Variants in RALGPS1 observed in about 807,000 individuals in gnomAD.
RALGPS1 encodes ras-specific guanine nucleotide-releasing factor RalGPS1.
RALGPS1 carries 19 observed loss-of-function variants against 78.8 expected under a neutral mutation model. The ratio of observed to expected loss-of-function variants is 0.24; its 90% CI spans 0.17 to 0.35. The LOEUF (loss-of-function observed/expected upper bound fraction) is 0.35, where lower values mean the gene tolerates loss of function less well. Among genes scored for constraint, RALGPS1 ranks in the 10% least tolerant of loss-of-function variants. The probability of loss-of-function intolerance (pLI) is 1.00; values close to 1 mark genes in which losing one functional copy is unlikely to be tolerated. For synonymous variants in RALGPS1, 228 were observed against 256.3 expected (o/e 0.89, Z 1.06); for missense variants, 454 against 688.3 (o/e 0.66, Z 3.81).
intron 5 of RALGPS1, among the ~76,000 whole-genome samples, chr9:127,039,065 C>T (rs778086986): frequency 2.0e-5 from 3 of 151,942 alleles, no homozygotes; most frequent in Non-Finnish European, 1.5e-5. Context: ...TATTTGAGTC[C>T]GGAAGTTGGG....
At chr9:127,123,120 C>T (rs2137836595) in intron 8 of RALGPS1, among the ~76,000 whole-genome samples, 1 of 152,378 alleles carries the variant, frequency 6.6e-6, no homozygotes, top group East Asian at 1.9e-4. Flanking sequence ...GGCGGGGCAG[C>T]TCAGCCCAGA....
chr9:127,101,637 A>C (rs1454474978), intron 8 of RALGPS1, among the ~76,000 whole-genome samples: 1 of 152,230 alleles, frequency 6.6e-6, no homozygotes, highest in East Asian at 1.9e-4. Context: ...ATCCACATCC[A>C]GACCAAACCC....
intron 8 of RALGPS1, among the ~76,000 whole-genome samples, chr9:127,129,868 G>T (rs1053947511): frequency 5.9e-5 from 9 of 152,186 alleles, no homozygotes; most frequent in African/African-American, 1.7e-4. Context: ...TGGAGGGCAG[G>T]GATCTGTTTT....
At chr9:127,167,907 G>A (rs1033141713) in intron 9 of RALGPS1, among the ~76,000 whole-genome samples, 4 of 152,246 alleles carry the variant, frequency 2.6e-5, no homozygotes, top group Non-Finnish European at 5.9e-5. Context: ...GCAGAGAGCA[G>A]CTGACACCAG....
chr9:127,002,520 T>C (rs2043428605), intron 4 of RALGPS1, among the ~76,000 whole-genome samples: 1 of 149,710 alleles, frequency 6.7e-6, no homozygotes, highest in Non-Finnish European at 1.5e-5. Context: ...TATGTATACA[T>C]GTGCCATGCT....
intron 8 of RALGPS1, among the ~76,000 whole-genome samples, chr9:127,106,465 A>G (rs1210058085): frequency 6.6e-6 from 1 of 152,244 alleles, no homozygotes; most frequent in Non-Finnish European, 1.5e-5. Context: ...TGTGCTAAAC[A>G]TGTTTTTTGC....
At chr9:126,993,201 A>G (rs1227613126) in intron 4 of RALGPS1, among the ~76,000 whole-genome samples, 10 of 152,200 alleles carry the variant, frequency 6.6e-5, no homozygotes, top group Non-Finnish European at 1.5e-4. Context: ...TATTAAACCA[A>G]CCTTGTATTG....
chr9:127,091,751 G>A lies in RALGPS1; in HGVS notation c.610+22395G>A. On this transcript the variant is annotated intron_variant, in intron 8 of 18. Coordinates refer to ENST00000259351, the MANE Select transcript of RALGPS1 (RefSeq NM_014636.3). The surrounding 1 kb of genome is among the most constrained non-coding windows in gnomAD (Gnocchi z 4.3). ...GTAAAGGAGTCACCCGCATTGCCAT[G>A]GTAGCGCCCCAGCCGCAGCTTATAA... is the stretch of plus-strand genomic sequence containing the variant. 1 of 1,614,138 alleles carries A rather than the reference G, an allele frequency of 6.2e-7. No homozygotes were observed. Among genetic ancestry groups the A allele is most frequent in the Non-Finnish European group, 8.5e-7 (1 of 1,180,030 alleles).
chr9:127,153,820 A>G (rs569668469), intron 8 of RALGPS1, among the ~76,000 whole-genome samples: 1 of 152,304 alleles, frequency 6.6e-6, no homozygotes, highest in South Asian at 2.1e-4. Flanking sequence ...CAGAAGGGGA[A>G]GTCAGAATTG....
At chr9:127,142,477 A>C (rs1333147629) in intron 8 of RALGPS1, among the ~76,000 whole-genome samples, 1 of 152,156 alleles carries the variant, frequency 6.6e-6, no homozygotes, top group African/African-American at 2.4e-5. Context: ...TGATGGGCGC[A>C]TCTGGAGGGA....
intron 8 of RALGPS1, among the ~76,000 whole-genome samples, chr9:127,115,390 A>T (rs1343927912): frequency 6.6e-6 from 1 of 152,172 alleles, no homozygotes; most frequent in East Asian, 1.9e-4. Flanking sequence ...GGGTTTCGCC[A>T]TGCTGGTTGC....
chr9:127,011,503 A>G (rs539181135), intron 4 of RALGPS1, among the ~76,000 whole-genome samples: 1 of 152,286 alleles, frequency 6.6e-6, no homozygotes, highest in South Asian at 2.1e-4. Context: ...ATGGAAGTGC[A>G]CTTCCTTGGG....
At chr9:126,992,516 T>G (rs1044789310) in intron 4 of RALGPS1, among the ~76,000 whole-genome samples, 2 of 152,258 alleles carry the variant, frequency 1.3e-5, no homozygotes, top group African/African-American at 4.8e-5. Flanking sequence ...CATTTCAATA[T>G]GCATTTTAGG....
At position 126,971,277 on chromosome 9, in the gene RALGPS1, T is replaced by A. The variant is rs992839432; in HGVS notation, c.165+5326T>A. 1.3e-4 allele frequency among the ~76,000 whole-genome samples: 18 copies of A among 142,610 alleles called. 1 individual carries two copies. Among genetic ancestry groups the A allele is most frequent in the East Asian group, 4.0e-4 (2 of 4,994 alleles). 93.6% of individuals were successfully genotyped at this position (142,610 alleles called of 152,430 possible). ...AATTTAGGAAAATGTTCATGATATT[T>A]AAAAAAAAAAAAGATTTGAAACCGC... is the stretch of plus-strand genomic sequence containing the variant. On this transcript the variant is annotated intron_variant, in intron 3 of 18. Coordinates refer to ENST00000259351, the MANE Select transcript of RALGPS1 (RefSeq NM_014636.3).
chr9:127,031,247 C>T (rs1425054037), intron 4 of RALGPS1, among the ~76,000 whole-genome samples: 1 of 152,234 alleles, frequency 6.6e-6, no homozygotes, highest in Non-Finnish European at 1.5e-5. Context: ...GCATTAGTGA[C>T]TGGAAGAGTT....
chr9:126,963,489 G>C (rs1030440668), intron 2 of RALGPS1, among the ~76,000 whole-genome samples: 2 of 152,036 alleles, frequency 1.3e-5, no homozygotes, highest in African/African-American at 2.4e-5. Flanking sequence ...AATATTTTTT[G>C]AATAAATGAA....
chr9:127,016,369 G>A (rs1462716105), intron 4 of RALGPS1, among the ~76,000 whole-genome samples: 2 of 152,196 alleles, frequency 1.3e-5, no homozygotes, highest in Non-Finnish European at 2.9e-5. Context: ...GAATGGGAGA[G>A]CTGGGAGGAT....
At chr9:126,930,051 T>A (rs903771859) in intron 1 of RALGPS1, among the ~76,000 whole-genome samples, 6 of 152,118 alleles carry the variant, frequency 3.9e-5, no homozygotes, top group Admixed American at 6.5e-5. Context: ...AGGCTAGTGT[T>A]GAACTCCTGG....
intron 4 of RALGPS1, among the ~76,000 whole-genome samples, chr9:127,009,995 C>A (rs1485077451): frequency 1.3e-5 from 2 of 152,170 alleles, no homozygotes; most frequent in Admixed American, 6.5e-5. Context: ...CTGACTCTTC[C>A]AAGGAGGTCC....
Sources: gnomAD v4.1 joint callset for allele counts (sites outside exome capture counted in the v4.1 genomes callset) on GRCh38, gnomAD v4.1.1 for gene constraint, Gnocchi (gnomAD v3.1) non-coding constraint, MANE v1.5 for transcripts, NCBI Gene and HGNC (gene_info 2026-07-23, HGNC 2026-07-21) for gene names.